CDC73: variants seen among roughly 807,000 people sequenced by gnomAD.
CDC73 encodes cell division cycle 73.
A neutral mutation model predicts 83.7 loss-of-function variants in CDC73; 21 were observed. The observed-to-expected ratio is 0.25, with a 90% CI of 0.18 to 0.36. The LOEUF is 0.36. CDC73 is among the 10% of genes least tolerant of loss of function. CDC73 has a pLI of 1.00. For synonymous variants in CDC73, 224 were observed against 212.9 expected (o/e 1.05, Z -0.45); for missense variants, 342 against 653.3 (o/e 0.52, Z 5.19).
intron 10 of CDC73, among the ~76,000 whole-genome samples, chr1:193,165,916 C>G (rs1676427155): frequency 1.3e-5 from 2 of 152,144 alleles, no homozygotes; most frequent in South Asian, 4.1e-4. Context: ...TAAAAATAAG[C>G]CAGCCATCCT....
chr1:193,192,397 C>T (rs1202708167), intron 10 of CDC73, among the ~76,000 whole-genome samples: 1 of 152,146 alleles, frequency 6.6e-6, no homozygotes, highest in African/African-American at 2.4e-5. Context: ...GAGCCGAGAT[C>T]GCGCCACTGC....
chr1:193,122,409 C>A (rs768634037), intron 1 of CDC73, 78 bp downstream of exon 1: 342 of 1,565,446 alleles, frequency 2.2e-4, no homozygotes, highest in Non-Finnish European at 2.8e-4. Flanking sequence ...CTTAACCCCT[C>A]CCCCCGTTTC....
At chr1:193,188,378 C>G (rs1676856625) in intron 10 of CDC73, among the ~76,000 whole-genome samples, 1 of 151,782 alleles carries the variant, frequency 6.6e-6, no homozygotes, top group Admixed American at 6.6e-5. Context: ...TTAAATCTAT[C>G]TAGTACTATC....
intron 10 of CDC73, among the ~76,000 whole-genome samples, chr1:193,177,017 A>G (rs1676614693): frequency 6.6e-6 from 1 of 152,060 alleles, no homozygotes; most frequent in African/African-American, 2.4e-5. Flanking sequence ...TAATTGGGGG[A>G]TCAGATATAC....
chr1:193,141,107 G>A (rs555866579), intron 6 of CDC73: 1 of 152,204 alleles, frequency 6.6e-6, no homozygotes, highest in East Asian at 1.9e-4. Context: ...TTTTCATCTT[G>A]TGACTAAAGT....
intron 5 of CDC73, among the ~76,000 whole-genome samples, chr1:193,137,661 T>C (rs1675824243): frequency 6.6e-6 from 1 of 152,122 alleles, no homozygotes; most frequent in South Asian, 2.1e-4. Flanking sequence ...TTTTGATTAG[T>C]GCTAATGGAT....
chr1:193,127,101 A>G (rs1675589913), intron 2 of CDC73, among the ~76,000 whole-genome samples: 1 of 151,964 alleles, frequency 6.6e-6, no homozygotes, highest in Non-Finnish European at 1.5e-5. Context: ...AAACTTTGTT[A>G]AAACAAAAAA....
chr1:193,234,986 A>G (rs1159720110), intron 14 of CDC73, among the ~76,000 whole-genome samples: 2 of 151,950 alleles, frequency 1.3e-5, no homozygotes, highest in Non-Finnish European at 2.9e-5. Context: ...GGCAGTTTTT[A>G]ATAGTTGTAG....
At chr1:193,181,233 T>G (rs1676709889) in intron 10 of CDC73, 7 of 1,613,986 alleles carry the variant, frequency 4.3e-6, no homozygotes, top group Non-Finnish European at 5.1e-6. Flanking sequence ...TCTCCAGGCC[T>G]GTAACTCCTT....
intron 11 of CDC73, among the ~76,000 whole-genome samples, chr1:193,209,023 T>C (rs975775671): frequency 3.9e-5 from 6 of 152,220 alleles, no homozygotes; most frequent in Non-Finnish European, 5.9e-5. Flanking sequence ...CCAATTAGAT[T>C]ATGTGTTTGG....
intron 10 of CDC73, among the ~76,000 whole-genome samples, chr1:193,188,286 A>T (rs962644899): frequency 9.2e-5 from 14 of 152,178 alleles, no homozygotes; most frequent in African/African-American, 3.4e-4. Flanking sequence ...AATGTCAGAT[A>T]AATACTGATA....
At chr1:193,230,449 A>T in intron 13 of CDC73, among the ~76,000 whole-genome samples, 1 of 140,308 alleles carries the variant, frequency 7.1e-6, no homozygotes, top group East Asian at 2.1e-4. Flanking sequence ...ACCTCGCCCT[A>T]ATCCCGTATT....
intron 10 of CDC73, among the ~76,000 whole-genome samples, chr1:193,201,927 A>G (rs1303246814): frequency 6.6e-6 from 1 of 152,066 alleles, no homozygotes; most frequent in African/African-American, 2.4e-5. Flanking sequence ...AGGCCACTCT[A>G]TTCCAAAAAA....
At chr1:193,213,949 A>G (rs949326889) in intron 13 of CDC73, among the ~76,000 whole-genome samples, 5 of 152,174 alleles carry the variant, frequency 3.3e-5, no homozygotes, top group African/African-American at 7.2e-5. Context: ...CTGGCTGACA[A>G]ATTATCCAGG....
chr1:193,135,868 C>CTTCTTT (rs1447225590), intron 5 of CDC73, among the ~76,000 whole-genome samples: 3 of 127,178 alleles, frequency 2.4e-5, no homozygotes, highest in African/African-American at 2.9e-5. Flanking sequence ...CCTTTCTGTT[C>CTTCTTT]TTTTTTTTTT....
chr1:193,124,699 A>G (rs1246087349), intron 1 of CDC73, among the ~76,000 whole-genome samples: 1 of 152,216 alleles, frequency 6.6e-6, no homozygotes, highest in Non-Finnish European at 1.5e-5. Context: ...GTTCAGCAGT[A>G]TCTTATTTAT....
At chr1:193,144,815 C>CTTT (rs34816338) in intron 7 of CDC73, among the ~76,000 whole-genome samples, 1 of 139,202 alleles carries the variant, frequency 7.2e-6, no homozygotes, top group African/African-American at 2.7e-5. Flanking sequence ...ATTTGGCAGA[C>CTTT]TTTTTTTTTT....
At chr1:193,181,691 A>T (rs1017151064) in intron 10 of CDC73, 1 of 920,974 alleles carries the variant, frequency 1.1e-6, no homozygotes, top group African/African-American at 1.7e-5. Context: ...TTCTATAAAA[A>T]TGAAGCACAA....
At chr1:193,225,280 A>ATATAT (rs1677548239) in intron 13 of CDC73, among the ~76,000 whole-genome samples, 2 of 149,536 alleles carry the variant, frequency 1.3e-5, no homozygotes, top group Non-Finnish European at 3.0e-5. Flanking sequence ...ATATCCACAT[A>ATATAT]CTACGGTTTC....
Sources: gnomAD v4.1 joint callset for allele counts (sites outside exome capture counted in the v4.1 genomes callset) on GRCh38, gnomAD v4.1.1 for gene constraint, MANE v1.5 for transcripts, NCBI Gene and HGNC (gene_info 2026-07-23, HGNC 2026-07-21) for gene names.